Variants in MAST4 observed in about 807,000 individuals in gnomAD.
The protein encoded by MAST4 is microtubule associated serine/threonine kinase family member 4.
A neutral mutation model predicts 162.7 loss-of-function variants in MAST4; 89 were observed. The observed-to-expected ratio is 0.55, with a 90% CI of 0.46 to 0.65. MAST4 has a LOEUF of 0.65. MAST4 is among the 30% of genes least tolerant of loss of function. The probability of loss-of-function intolerance (pLI) is 0.00; values close to 1 mark genes in which losing one functional copy is unlikely to be tolerated. For missense variants in MAST4, 3,153 were observed against 3,374.0 expected (o/e 0.93, Z 1.62); for synonymous variants, 1,479 against 1,361.1 (o/e 1.09, Z -1.91).
intron 1 of MAST4, among the ~76,000 whole-genome samples, chr5:66,734,022 G>A (rs984551975): frequency 6.6e-6 from 1 of 152,148 alleles, no homozygotes; most frequent in Admixed American, 6.5e-5. Context: ...ATAATAGGCT[G>A]TACATATCCC....
chr5:66,818,971 G>C (rs1379118464), intron 3 of MAST4, among the ~76,000 whole-genome samples: 1 of 152,160 alleles, frequency 6.6e-6, no homozygotes, highest in Non-Finnish European at 1.5e-5. Flanking sequence ...ATAGAATCTG[G>C]AGCCCGTTTT....
intron 6 of MAST4, among the ~76,000 whole-genome samples, chr5:67,093,999 C>T (rs1187350540): frequency 6.6e-6 from 1 of 152,122 alleles, no homozygotes; most frequent in Non-Finnish European, 1.5e-5. Context: ...ATTACAATTA[C>T]TTTCTTCTTA....
intron 1 of MAST4, chr5:66,662,786 G>A (rs762960231): frequency 1.3e-5 from 2 of 152,108 alleles, no homozygotes; most frequent in Non-Finnish European, 2.9e-5. Context: ...ATCCCTTAAA[G>A]ATATTTATTG....
At chr5:66,795,630 T>G (rs1338051448) in intron 3 of MAST4, among the ~76,000 whole-genome samples, 1 of 152,228 alleles carries the variant, frequency 6.6e-6, no homozygotes. Flanking sequence ...TCAATATGGT[T>G]ATTGGACCTG....
chr5:66,993,288 CTGTTTT>C (rs1323528973), intron 4 of MAST4, among the ~76,000 whole-genome samples: 1 of 152,194 alleles, frequency 6.6e-6, no homozygotes, highest in Non-Finnish European at 1.5e-5. Flanking sequence ...AGAAAAATAA[CTGTTTT>C]TGTTTTTAGT....
In MAST4 at chr5:67,142,128, A is replaced by T. The variant is rs1392033658; in HGVS notation, c.2508A>T (p.Glu836Asp). The change falls in exon 20 of 29, where the codon GAA becomes GAT. Residue 836 changes from glutamate (E) to aspartate (D), a missense_variant. This residue lies in a region of MAST4 where 62 missense variants were observed against 63.1 expected (regional missense o/e 0.98). Coordinates refer to ENST00000403625, the MANE Select transcript of MAST4 (RefSeq NM_001164664.2). ...GCCCCCTTCCAGGTGGTGCATATGA[A>T]GTCAAACAGCATCGATTCTTCCGTT... ...LERLGTGGAY[E>D]VKQHRFFRSL... The T allele has an allele frequency of 6.2e-7, 1 of 1,613,854 alleles. No homozygotes were observed. The highest frequency in any genetic ancestry group is 8.5e-7 in the Non-Finnish European group (1 of 1,179,770).
chr5:66,831,278 T>C lies in MAST4; in HGVS notation c.642+42484T>C, dbSNP rs189394078. Among the ~76,000 whole-genome samples, 803 of 152,292 alleles carry C rather than the reference T, an allele frequency of 5.3e-3. 13 individuals carry two copies. The highest frequency in any genetic ancestry group is 7.7e-3 in the Non-Finnish European group (523 of 68,010). On this transcript the variant is annotated intron_variant, in intron 3 of 28. Coordinates refer to ENST00000403625, the MANE Select transcript of MAST4 (RefSeq NM_001164664.2). ...GTTATCAGTAAACCTAGTAAACATT[T>C]ATTTACAGGGATCATTATGACAGGC...
At chr5:66,665,543 C>T (rs1348067019) in intron 1 of MAST4, among the ~76,000 whole-genome samples, 1 of 152,178 alleles carries the variant, frequency 6.6e-6, no homozygotes, top group Non-Finnish European at 1.5e-5. Context: ...TTAATAGCAA[C>T]ATCTCTCTCA....
At chr5:66,734,471 C>T (rs1265621795) in intron 1 of MAST4, among the ~76,000 whole-genome samples, 1 of 152,158 alleles carries the variant, frequency 6.6e-6, no homozygotes, top group East Asian at 1.9e-4. Flanking sequence ...TGTTTTCTAC[C>T]TCATTTGCAT....
chr5:66,964,729 G>C (rs1053004957), intron 4 of MAST4, among the ~76,000 whole-genome samples: 8 of 152,212 alleles, frequency 5.3e-5, no homozygotes, highest in Non-Finnish European at 7.3e-5. Context: ...CGTGAACTCG[G>C]GAGGCGGAGC....
At chr5:67,078,068 C>T (rs534350525) in intron 5 of MAST4, among the ~76,000 whole-genome samples, 2 of 152,224 alleles carry the variant, frequency 1.3e-5, no homozygotes, top group South Asian at 2.1e-4. Context: ...CATTGCACTC[C>T]AGCCTGGGCA....
chr5:66,643,347 G>A (rs896740850), intron 1 of MAST4, among the ~76,000 whole-genome samples: 1 of 152,112 alleles, frequency 6.6e-6, no homozygotes, highest in Non-Finnish European at 1.5e-5. Context: ...AGCTATTGCT[G>A]TGTCCCTGTG....
intron 4 of MAST4, chr5:66,930,905 AG>A (rs1266336665): frequency 2.5e-6 from 1 of 395,754 alleles, no homozygotes; most frequent in Non-Finnish European, 5.2e-6. Flanking sequence ...GGTCCTGTGG[AG>A]GGTATCTACT....
chr5:66,622,214 A>G (rs763687530), intron 1 of MAST4, among the ~76,000 whole-genome samples: 36 of 152,156 alleles, frequency 2.4e-4, no homozygotes, highest in Non-Finnish European at 1.9e-4. Context: ...GAACAAGATG[A>G]TGTGTTTGGC....
At chr5:66,702,517 T>G (rs1749847798) in intron 1 of MAST4, among the ~76,000 whole-genome samples, 1 of 151,998 alleles carries the variant, frequency 6.6e-6, no homozygotes, top group Admixed American at 6.6e-5. Flanking sequence ...TTTAGATAAG[T>G]TGGTCAAGGA....
chr5:66,989,276 C>T (rs1749827830), intron 4 of MAST4, among the ~76,000 whole-genome samples: 1 of 152,124 alleles, frequency 6.6e-6, no homozygotes, highest in Non-Finnish European at 1.5e-5. Flanking sequence ...CTCCTTATAC[C>T]TCCTTGCTCA....
chr5:67,000,243 A>G (rs984938163), intron 4 of MAST4, among the ~76,000 whole-genome samples: 2 of 152,252 alleles, frequency 1.3e-5, no homozygotes, highest in African/African-American at 2.4e-5. Context: ...AGAATAGGCC[A>G]GGATCAGGTA....
chr5:67,129,864 A>G (rs1768745590), intron 14 of MAST4, among the ~76,000 whole-genome samples: 1 of 152,196 alleles, frequency 6.6e-6, no homozygotes, highest in South Asian at 2.1e-4. Context: ...TCCTGTTCTG[A>G]CATATATCGA....
chr5:66,847,769 T>A (rs1363768396), intron 3 of MAST4, among the ~76,000 whole-genome samples: 1 of 139,972 alleles, frequency 7.1e-6, no homozygotes, highest in East Asian at 2.1e-4. Flanking sequence ...TGCAGTGAGC[T>A]GAGATTGTGC....
Sources: gnomAD v4.1 joint callset for allele counts (sites outside exome capture counted in the v4.1 genomes callset) on GRCh38, gnomAD v4.1.1 for gene constraint, gnomAD v4.1.1 regional missense constraint, MANE v1.5 for transcripts, NCBI Gene and HGNC (gene_info 2026-07-23, HGNC 2026-07-21) for gene names.